Variants in MYO19 observed in about 807,000 individuals in gnomAD.
The protein encoded by MYO19 is myosin XIX.
In MYO19, 132 loss-of-function variants were observed where a neutral mutation model predicts 129.2. That is an observed-to-expected ratio of 1.02 (90% CI 0.89 to 1.18). MYO19 has a LOEUF of 1.18. Ranked by LOEUF, MYO19 falls within the 50% of genes most tolerant of loss-of-function variation. The pLI, the probability that MYO19 is intolerant of heterozygous loss-of-function variation, is 0.00. For missense variants in MYO19, 1,210 were observed against 1,216.7 expected (o/e 0.99, Z 0.08); for synonymous variants, 531 against 477.2 (o/e 1.11, Z -1.47).
At chr17:36,497,699 C>A in intron 25 of MYO19, 1 of 256,648 alleles carries the variant, frequency 3.9e-6, no homozygotes. Flanking sequence ...ATTCTCATGC[C>A]TCAGCCTCCC....
chr17:36,509,181 T>A, intron 13 of MYO19, 46 bp from the exon 14 acceptor site: 1 of 1,580,402 alleles, frequency 6.3e-7, no homozygotes, highest in Non-Finnish European at 8.7e-7. Flanking sequence ...TCTGGCTGAG[T>A]CAAAGGGGTG....
At chr17:36,511,831 T>A (rs948890172) in intron 11 of MYO19, among the ~76,000 whole-genome samples, 1 of 152,122 alleles carries the variant, frequency 6.6e-6, no homozygotes, top group East Asian at 1.9e-4. Flanking sequence ...GACTGGTGAC[T>A]GGGGGCAGGG....
intron 25 of MYO19, among the ~76,000 whole-genome samples, chr17:36,497,092 G>A (rs2071046097): frequency 6.6e-6 from 1 of 152,004 alleles, no homozygotes; most frequent in Non-Finnish European, 1.5e-5. Context: ...CACTTTGGGA[G>A]GGCAAGGCAG....
At chr17:36,522,855 A>G (rs1305187175) in intron 6 of MYO19, among the ~76,000 whole-genome samples, 1 of 151,956 alleles carries the variant, frequency 6.6e-6, no homozygotes, top group East Asian at 1.9e-4. Flanking sequence ...AAATACAAAA[A>G]ATTAGCCAGG....
At chr17:36,536,478 A>C (rs2074126428), upstream of MYO19, among the ~76,000 whole-genome samples, 3 of 150,054 alleles carry the variant, frequency 2.0e-5, no homozygotes, top group South Asian at 6.3e-4. Context: ...CCATTCTCAG[A>C]GTTTATATCC....
chr17:36,510,319 T>C lies in MYO19; in HGVS notation c.1157+427A>G, dbSNP rs60949183. Among the ~76,000 whole-genome samples the C allele has an allele frequency of 4.7e-3, 710 of 152,322 alleles. 10 individuals are homozygous for C. Among genetic ancestry groups the C allele is most frequent in the African/African-American group, 0.017 (692 of 41,578 alleles). ...GGCTGAGCCTCTGGCTTTACCACAA[T>C]CTATCAAACTCCTAGGTGATGTACA... On this transcript the variant is annotated intron_variant, in intron 13 of 25. Transcript: ENST00000614623.
chr17:36,536,144 A>G (rs894722883), upstream of MYO19, among the ~76,000 whole-genome samples: 1 of 152,228 alleles, frequency 6.6e-6, no homozygotes, highest in African/African-American at 2.4e-5. Flanking sequence ...TAAAAGAGCA[A>G]CTAACACTAG....
rs369841038 is a variant in MYO19, at chr17:36,513,701, C to T, written c.745G>A (p.Glu249Lys). Residue 249 changes from glutamate (E) to lysine (K), a missense_variant, in exon 10 of 26, where the codon GAG becomes AAG. Glu to Lys is a moderately conservative substitution (Grantham distance 56). Transcript: ENST00000614623. Reference sequence around the variant, plus strand: ...TCAGGAAGGTGCCACTGGAGCCTCTCGTCCTCACTGGCTCCTTTGCAAATC... The same window carrying T: ...TCAGGAAGGTGCCACTGGAGCCTCTTGTCCTCACTGGCTCCTTTGCAAATC... Reference protein sequence around the residue: ...YQICKGASEDERLQWHLPEGA... With the variant: ...YQICKGASEDKRLQWHLPEGA... 3.4e-5 allele frequency: 55 copies of T among 1,613,622 alleles called. No homozygotes were observed. Among genetic ancestry groups the T allele is most frequent in the Non-Finnish European group, 4.2e-5 (50 of 1,179,818 alleles).
In MYO19 at chr17:36,525,307, T is replaced by G; in HGVS notation, c.335A>C (p.Gln112Pro). The G allele has an allele frequency of 6.2e-7, 1 of 1,613,932 alleles. No individual in the cohort carries two copies. The highest frequency in any genetic ancestry group is 8.5e-7 in the Non-Finnish European group (1 of 1,179,820). The part of the protein sequence containing the change: ...LKPHVFTVGE[Q>P]TYRNVKSLIE... ...CAGGCTCTTGACATTCCTGTAGGTCTGTTCACCCACAGTGAACACATGGGG... is the reference window on the plus strand; with the variant it reads ...CAGGCTCTTGACATTCCTGTAGGTCGGTTCACCCACAGTGAACACATGGGG... The change falls in exon 6 of 26, where the codon CAG becomes CCG. Residue 112 changes from glutamine to proline, a missense_variant. Transcript: ENST00000614623.
intron 19 of MYO19, 120 bp downstream of exon 19, chr17:36,505,177 C>A: frequency 1.1e-6 from 1 of 906,476 alleles, no homozygotes. Context: ...TCATGTCAGG[C>A]CTGGCCGGAG....
upstream of MYO19, chr17:36,537,322 T>C (rs751924963): frequency 1.2e-6 from 2 of 1,614,074 alleles, no homozygotes; most frequent in Non-Finnish European, 1.7e-6. Context: ...ACTTTGACCA[T>C]TTGGGCTTCA....
chr17:36,514,953 T>C (rs2072637870), intron 8 of MYO19, among the ~76,000 whole-genome samples, 160 bp downstream of exon 8: 1 of 152,058 alleles, frequency 6.6e-6, no homozygotes, highest in Non-Finnish European at 1.5e-5. Context: ...GTTCTCCAGG[T>C]GCAAAGATCA....
chr17:36,495,763 A>G lies in MYO19; in HGVS notation c.*488T>C. On this transcript the variant is annotated 3_prime_UTR_variant, in exon 26 of 26. Coordinates refer to ENST00000614623, the MANE Select transcript of MYO19 (RefSeq NM_001163735.2). ...AAAACGTGATTCTACTGTACATTGCATTATTCATAATTTAATTGTTTGAAA... is the reference window on the plus strand; with the variant it reads ...AAAACGTGATTCTACTGTACATTGCGTTATTCATAATTTAATTGTTTGAAA... 7 of 1,242,198 alleles carry G rather than the reference A, an allele frequency of 5.6e-6. No individual in the cohort carries two copies. Among genetic ancestry groups the G allele is most frequent in the Non-Finnish European group, 6.0e-6 (6 of 993,852 alleles). 76.9% of individuals were successfully genotyped at this position (1,242,198 alleles called of 1,614,324 possible).
rs764826200 is a variant in MYO19, at chr17:36,513,624, C to T, written c.817+5G>A. 3.7e-6 allele frequency: 6 copies of T among 1,613,876 alleles called. No homozygotes were observed. The highest frequency in any genetic ancestry group is 5.1e-6 in the Non-Finnish European group (6 of 1,179,882). On this transcript the variant is annotated splice_donor_5th_base_variant and intron_variant, in intron 10 of 25. Coordinates refer to ENST00000614623, the MANE Select transcript of MYO19 (RefSeq NM_001163735.2). ...GCGCAAGGTGCTGGATGGGGCTCCCCTTACCTTCTAAGCTCCTCTCTGGGT... is the reference window on the plus strand; with the variant it reads ...GCGCAAGGTGCTGGATGGGGCTCCCTTTACCTTCTAAGCTCCTCTCTGGGT...
In MYO19 at chr17:36,525,300, G is replaced by A; in HGVS notation, c.342C>T (p.Tyr114=). ...PHVFTVGEQT[Y]RNVKSLIEPV... ...GTTCAATCAGGCTCTTGACATTCCT[G>A]TAGGTCTGTTCACCCACAGTGAACA... Residue 114 remains tyrosine, a synonymous_variant, in exon 6 of 26, where the codon TAC becomes TAT. Transcript: ENST00000614623. The A allele has an allele frequency of 6.2e-7, 1 of 1,613,950 alleles. No homozygotes were observed. Among genetic ancestry groups the A allele is most frequent in the Non-Finnish European group, 8.5e-7 (1 of 1,179,836 alleles).
Position 36,506,998 on chromosome 17 carries a change from G to C in MYO19, c.1609C>G (p.Arg537Gly), listed in dbSNP as rs772656779. Residue 537 changes from arginine to glycine, a missense_variant, in exon 17 of 26, where the codon CGG (arginine) becomes GGG (glycine). Transcript: ENST00000614623. The part of the protein sequence containing the change: ...FIVVHYAGPV[R>G]YHTAGLVEKN... Reference sequence around the variant, plus strand: ...TCCACCAGGCCTGCTGTGTGGTACCGCACAGGCCCCGCATAATGCACCACA... The same window carrying C: ...TCCACCAGGCCTGCTGTGTGGTACCCCACAGGCCCCGCATAATGCACCACA... The C allele has an allele frequency of 8.2e-5, 132 of 1,610,736 alleles. No homozygotes were observed. The highest frequency in any genetic ancestry group is 1.1e-4 in the Non-Finnish European group (130 of 1,177,728).
intron 25 of MYO19, 50 bp downstream of exon 25, chr17:36,498,216 T>C: frequency 1.3e-6 from 2 of 1,571,476 alleles, no homozygotes; most frequent in Non-Finnish European, 1.7e-6. Flanking sequence ...TAGGCTTTGC[T>C]CCTGCTGTTC....
Position 36,496,350 on chromosome 17 carries a change from A to G in MYO19, c.2814T>C (p.Pro938=), listed in dbSNP as rs781052907. 7 of 1,613,890 alleles carry G rather than the reference A, an allele frequency of 4.3e-6. No homozygotes were observed. The Admixed American group carries it at 6.7e-5, about 15-fold the overall frequency. The change falls in exon 26 of 26, where the codon CCT becomes CCC. Residue 938 remains proline, a synonymous_variant. Coordinates refer to ENST00000614623, the MANE Select transcript of MYO19 (RefSeq NM_001163735.2). ...CTGTAATGCTGTAGGGTGAAGGTTC[A>G]GGGCAGATGTCAGCATACCGCAGTG... is the stretch of plus-strand genomic sequence containing the variant. ...KSPLRYADIC[P]EPSPYSITGF...
At chr17:36,514,592 C>G (rs770337257) in intron 8 of MYO19, 44 bp from the exon 9 acceptor site, 3 of 1,317,110 alleles carry the variant, frequency 2.3e-6, no homozygotes, top group African/African-American at 1.4e-5. Context: ...CCCATTCATT[C>G]CATAGCCATG....
Sources: allele counts gnomAD v4.1 joint callset (sites outside exome capture counted in the v4.1 genomes callset), GRCh38; gene constraint gnomAD v4.1.1; transcripts MANE v1.5; gene names NCBI Gene and HGNC (gene_info 2026-07-23, HGNC 2026-07-21).